Variants in CNTNAP2 observed in about 807,000 individuals in gnomAD.
CNTNAP2 encodes the protein contactin associated protein 2.
Under a neutral mutation model 155.2 loss-of-function variants are expected in CNTNAP2, and 98 were observed. That is an observed-to-expected ratio of 0.63 (90% CI 0.54 to 0.75). CNTNAP2 has a LOEUF of 0.75. CNTNAP2 is among the 30% of genes least tolerant of loss of function. The probability of loss-of-function intolerance (pLI) is 0.00; values close to 1 mark genes in which losing one functional copy is unlikely to be tolerated. For missense variants in CNTNAP2, 1,727 were observed against 1,688.1 expected (o/e 1.02, Z -0.40); for synonymous variants, 651 against 631.2 (o/e 1.03, Z -0.47).
At chr7:147,718,675 T>C (rs138668241) in intron 13 of CNTNAP2, among the ~76,000 whole-genome samples, 2,504 of 152,250 alleles carry the variant, frequency 0.016, 222 homozygotes, top group Admixed American at 0.15. Flanking sequence ...GGGTACCATG[T>C]AAATGGATAG....
chr7:147,125,586 C>A (rs185199471), intron 6 of CNTNAP2, among the ~76,000 whole-genome samples: 1 of 152,190 alleles, frequency 6.6e-6, no homozygotes, highest in East Asian at 1.9e-4. Context: ...ATGCTGTTGT[C>A]TTTTGCAATA....
intron 18 of CNTNAP2, chr7:148,190,084 AG>A (rs886766652): frequency 8.5e-5 from 13 of 152,360 alleles, no homozygotes; most frequent in African/African-American, 3.1e-4. Context: ...GAATCTGGAC[AG>A]CCTTGGGACT....
chr7:146,119,258 C>T (rs554813490), intron 1 of CNTNAP2, among the ~76,000 whole-genome samples: 1 of 152,110 alleles, frequency 6.6e-6, no homozygotes, highest in East Asian at 1.9e-4. Flanking sequence ...GATGAGTATG[C>T]TAAAACTTTC....
intron 18 of CNTNAP2, among the ~76,000 whole-genome samples, chr7:148,177,511 A>G (rs998989521): frequency 6.6e-6 from 1 of 152,206 alleles, no homozygotes; most frequent in African/African-American, 2.4e-5. Flanking sequence ...AAAATAATAC[A>G]AGTTCGAAGA....
At chr7:147,773,976 C>A (rs1797516592) in intron 13 of CNTNAP2, among the ~76,000 whole-genome samples, 1 of 152,148 alleles carries the variant, frequency 6.6e-6, no homozygotes, top group African/African-American at 2.4e-5. Context: ...CCTGAAAAAT[C>A]ACCCACTTCC....
Position 146,831,653 on chromosome 7 carries a change from C to T in CNTNAP2, c.209-8058C>T, listed in dbSNP as rs143323548. On this transcript the variant is annotated intron_variant, in intron 2 of 23. Transcript: ENST00000361727. ...ATCTCGCCACTGCACTCCAGCCTGG[C>T]GACAGAGCAAGACGCCAAAAAAAAA... Among the ~76,000 whole-genome samples the T allele has an allele frequency of 5.0e-3, 575 of 114,558 alleles. 2 individuals carry two copies. The highest frequency in any genetic ancestry group is 7.2e-3 in the Non-Finnish European group (443 of 61,422). The allele number at this position is 114,558 out of a possible 152,430, so 75.2% of individuals were successfully genotyped here.
In CNTNAP2 at chr7:147,594,019, G is replaced by C. The variant is rs115306019; in HGVS notation, c.1897+31762G>C. On this transcript the variant is annotated intron_variant, in intron 12 of 23. Transcript: ENST00000361727. ...TTGAAGATGAAGAGACAGACGCAGG[G>C]GTTGGTTTCAACATGTGAAAGTATA... Among the ~76,000 whole-genome samples, 622 of 152,112 alleles carry C rather than the reference G, an allele frequency of 4.1e-3. 5 individuals are homozygous for C. The highest frequency in any genetic ancestry group is 0.014 in the African/African-American group (579 of 41,504).
At position 146,777,993 on chromosome 7, in the gene CNTNAP2, T is replaced by C. The variant is rs186654408; in HGVS notation, c.208+3612T>C. On this transcript the variant is annotated intron_variant, in intron 2 of 23. Transcript: ENST00000361727. ...AAGCAGAAAAAATATATGAACATTATAGAATCCAGGAATGTTGGAGATACA... is the reference window on the plus strand; with the variant it reads ...AAGCAGAAAAAATATATGAACATTACAGAATCCAGGAATGTTGGAGATACA... Among the ~76,000 whole-genome samples the C allele has an allele frequency of 4.9e-4, 75 of 152,212 alleles. 1 individual carries two copies. The highest frequency in any genetic ancestry group is 1.7e-3 in the African/African-American group (71 of 41,552).
chr7:147,439,973 A>G (rs369418266), intron 10 of CNTNAP2, among the ~76,000 whole-genome samples: 2 of 151,982 alleles, frequency 1.3e-5, no homozygotes, highest in South Asian at 4.1e-4. Flanking sequence ...GTGTCTTTAT[A>G]GGTGAAATGT....
intron 1 of CNTNAP2, among the ~76,000 whole-genome samples, chr7:146,659,333 C>A (rs1351004959): frequency 6.6e-6 from 1 of 152,084 alleles, no homozygotes; most frequent in Non-Finnish European, 1.5e-5. Flanking sequence ...TCAGGCCTGC[C>A]TTTGGAAAGG....
At chr7:147,736,737 C>T (rs906952250) in intron 13 of CNTNAP2, among the ~76,000 whole-genome samples, 1 of 152,224 alleles carries the variant, frequency 6.6e-6, no homozygotes, top group African/African-American at 2.4e-5. Context: ...ATTCTTTTTT[C>T]TCTAAACTTC....
intron 3 of CNTNAP2, among the ~76,000 whole-genome samples, chr7:146,979,410 G>A (rs767779236): frequency 1.3e-5 from 2 of 151,918 alleles, no homozygotes; most frequent in Admixed American, 1.3e-4. Flanking sequence ...TATCCAGATC[G>A]CATCTCAAAT....
chr7:146,334,719 T>G (rs1281861306), intron 1 of CNTNAP2, among the ~76,000 whole-genome samples: 1 of 152,214 alleles, frequency 6.6e-6, no homozygotes, highest in Non-Finnish European at 1.5e-5. Flanking sequence ...CCTCTGCAAG[T>G]GTAATGAAGA....
rs1802205791 is a variant in CNTNAP2 at position 147,170,531 on chromosome 7, C to T, written c.1348+38022C>T. ...ACTGGGCCAGCTCTGTGGAAGGAGG[C>T]ATTCCAGGTGCCACACCAGCCTGTG... On this transcript the variant is annotated intron_variant, in intron 8 of 23. Coordinates refer to ENST00000361727, the MANE Select transcript of CNTNAP2 (RefSeq NM_014141.6). Among the ~76,000 whole-genome samples the T allele has an allele frequency of 3.3e-5, 5 of 151,886 alleles. No individual in the cohort carries two copies. The South Asian group carries it at 1.0e-3, about 32-fold the overall frequency.
At chr7:146,536,868 G>A (rs1033500233) in intron 1 of CNTNAP2, among the ~76,000 whole-genome samples, 3 of 151,994 alleles carry the variant, frequency 2.0e-5, no homozygotes, top group African/African-American at 7.3e-5. Flanking sequence ...TTTTTAATTT[G>A]AGAAAACTCT....
chr7:147,940,481 A>G (rs909083764), intron 14 of CNTNAP2, among the ~76,000 whole-genome samples: 1 of 152,058 alleles, frequency 6.6e-6, no homozygotes, highest in Non-Finnish European at 1.5e-5. Context: ...TTCACTGAGC[A>G]TGAGTTTCTA....
chr7:147,538,565 G>A (rs758884572), intron 11 of CNTNAP2, among the ~76,000 whole-genome samples: 2 of 151,990 alleles, frequency 1.3e-5, no homozygotes, highest in African/African-American at 4.8e-5. Context: ...CAGGAGGATC[G>A]CTTGAGCCCA....
chr7:148,315,577 C>T (rs1319412642), intron 21 of CNTNAP2, among the ~76,000 whole-genome samples: 1 of 152,120 alleles, frequency 6.6e-6, no homozygotes, highest in African/African-American at 2.4e-5. Context: ...ATGCAGGTCA[C>T]AGGAAATGAT....
intron 8 of CNTNAP2, among the ~76,000 whole-genome samples, chr7:147,198,446 G>C (rs944781006): frequency 1.3e-5 from 2 of 152,056 alleles, no homozygotes; most frequent in Admixed American, 6.6e-5. Context: ...TGGTCAGGCT[G>C]GTCTTGAATT....
Sources: gnomAD v4.1 joint callset for allele counts (sites outside exome capture counted in the v4.1 genomes callset) on GRCh38, gnomAD v4.1.1 for gene constraint, MANE v1.5 for transcripts, NCBI Gene and HGNC (gene_info 2026-07-23, HGNC 2026-07-21) for gene names.